TRPC5: variants seen among roughly 807,000 people sequenced by gnomAD.
TRPC5 encodes the protein short transient receptor potential channel 5.
In TRPC5, 9 loss-of-function variants were observed where a neutral mutation model predicts 56.5. That is an observed-to-expected ratio of 0.16 (90% CI 0.10 to 0.28). TRPC5 has a LOEUF of 0.28. TRPC5 is among the 10% of genes least tolerant of loss of function. The probability of loss-of-function intolerance (pLI) is 1.00; values close to 1 mark genes in which losing one functional copy is unlikely to be tolerated. For synonymous variants in TRPC5, 282 were observed against 278.5 expected (o/e 1.01, Z -0.13); for missense variants, 469 against 748.9 (o/e 0.63, Z 4.36).
At chrX:111,940,375 C>T (rs191366595) in intron 2 of TRPC5, among the ~76,000 whole-genome samples, 25 of 111,815 alleles carry the variant, frequency 2.2e-4, no homozygotes, top group Middle Eastern at 4.6e-3. Flanking sequence ...CATGAAGTCA[C>T]GCACCCTGAC....
At chrX:111,874,837 G>A (rs962257628) in intron 3 of TRPC5, among the ~76,000 whole-genome samples, 1 of 112,626 alleles carries the variant, frequency 8.9e-6, no homozygotes, top group Non-Finnish European at 1.9e-5. Context: ...TGTATTACCT[G>A]TGGTTGCTTT....
chrX:111,886,619 A>C (rs1924510487), intron 3 of TRPC5, among the ~76,000 whole-genome samples: 1 of 112,068 alleles, frequency 8.9e-6, no homozygotes, highest in South Asian at 3.8e-4. Flanking sequence ...CACTGAAGAC[A>C]AACCTGGTCT....
At chrX:111,793,887 C>T (rs1225418012) in intron 7 of TRPC5, among the ~76,000 whole-genome samples, 1 of 112,129 alleles carries the variant, frequency 8.9e-6, no homozygotes, top group East Asian at 2.8e-4. Context: ...GAATGAAGCA[C>T]TGATACATGC....
intron 7 of TRPC5, among the ~76,000 whole-genome samples, chrX:111,809,867 C>T (rs1465357010): frequency 9.2e-6 from 1 of 108,585 alleles, no homozygotes; most frequent in African/African-American, 3.4e-5. Context: ...GTCACCATGC[C>T]GTAGTCTTCA....
intron 7 of TRPC5, among the ~76,000 whole-genome samples, chrX:111,820,267 A>G (rs982002794): frequency 8.9e-6 from 1 of 111,739 alleles, no homozygotes; most frequent in African/African-American, 3.3e-5. Flanking sequence ...TATATGTGCC[A>G]TATTTTACCA....
chrX:112,028,265 A>G (rs1929476798), intron 1 of TRPC5, among the ~76,000 whole-genome samples: 1 of 110,489 alleles, frequency 9.1e-6, no homozygotes, highest in Admixed American at 9.5e-5. Flanking sequence ...AGTGCTTTTA[A>G]CTTTTTTTTT....
At chrX:112,003,485 TAGG>T (rs745847517) in intron 1 of TRPC5, among the ~76,000 whole-genome samples, 210 of 110,567 alleles carry the variant, frequency 1.9e-3, no homozygotes, top group African/African-American at 6.6e-3. Context: ...AAGGAAGTGA[TAGG>T]AGGTGAGGCT....
intron 3 of TRPC5, among the ~76,000 whole-genome samples, chrX:111,859,684 G>A (rs1192378519): frequency 7.2e-5 from 8 of 111,884 alleles, no homozygotes; most frequent in Non-Finnish European, 1.5e-4. Flanking sequence ...TCCTGTACAG[G>A]GACTATGTAC....
intron 2 of TRPC5, among the ~76,000 whole-genome samples, chrX:111,943,480 C>T (rs922405498): frequency 8.9e-6 from 1 of 112,028 alleles, no homozygotes; most frequent in Non-Finnish European, 1.9e-5. Flanking sequence ...AACATAAACA[C>T]TTATCAGTGT....
intron 1 of TRPC5, among the ~76,000 whole-genome samples, chrX:112,001,900 TCC>T (rs1928706669): frequency 2.7e-5 from 3 of 112,241 alleles, no homozygotes; most frequent in Non-Finnish European, 5.6e-5. Flanking sequence ...AAAAAATGAA[TCC>T]TTGATTTCTT....
chrX:111,850,066 G>T (rs952355783), intron 5 of TRPC5, among the ~76,000 whole-genome samples: 1 of 111,677 alleles, frequency 9.0e-6, no homozygotes, highest in Non-Finnish European at 1.9e-5. Context: ...AATTTGAGGG[G>T]GGTGTTATTA....
rs148202286 is a variant in TRPC5 at position 111,912,185 on chromosome X, T to C, written c.900+106A>G. ...CTAGCTGTGAGGCCTGCCCAACCAT[T>C]TGTTTGTTAGGGGGCTAAATGGTAG... On this transcript the variant is annotated intron_variant, in intron 3 of 10. Coordinates refer to ENST00000262839, the MANE Select transcript of TRPC5 (RefSeq NM_012471.3). 1.4e-3 allele frequency: 1,379 copies of C among 951,477 alleles called. 5 individuals are homozygous for C. The highest frequency in any genetic ancestry group is 9.4e-3 in the Middle Eastern group (23 of 2,444). 78.4% of individuals were successfully genotyped at this position (951,477 alleles called of 1,213,427 possible). A position where few individuals can be genotyped will look rare whatever the true frequency, so the allele number is the denominator to read the frequency against.
chrX:112,016,658 A>G (rs1297549382), intron 1 of TRPC5, among the ~76,000 whole-genome samples: 1 of 111,612 alleles, frequency 9.0e-6, no homozygotes, highest in Non-Finnish European at 1.9e-5. Context: ...GAACTTGACC[A>G]TGTATTTCCC....
intron 1 of TRPC5, among the ~76,000 whole-genome samples, chrX:111,998,158 G>T (rs1928595231): frequency 9.0e-6 from 1 of 111,658 alleles, no homozygotes; most frequent in African/African-American, 3.3e-5. Flanking sequence ...TGATCCTGAT[G>T]ACCTCAGTTT....
Position 112,064,490 on chromosome X carries a change from C to A in TRPC5, c.-22+17389G>T, listed in dbSNP as rs761031741. On this transcript the variant is annotated intron_variant, in intron 1 of 10. Coordinates refer to ENST00000262839, the MANE Select transcript of TRPC5 (RefSeq NM_012471.3). ...CTGCAATGTGGAGACCATAGAGCTG[C>A]TACCAATTGTGCCAGCTTCATACAC... Among the ~76,000 whole-genome samples the A allele has an allele frequency of 3.6e-5, 4 of 112,031 alleles. No homozygotes were observed. The South Asian group carries it at 1.5e-3, about 42-fold the overall frequency.
chrX:111,843,886 G>GTGTA (rs1319120760), intron 6 of TRPC5, among the ~76,000 whole-genome samples: 5 of 101,596 alleles, frequency 4.9e-5, no homozygotes, highest in African/African-American at 1.6e-4. Flanking sequence ...GTGTGTGTGT[G>GTGTA]TGTGTGTGTG....
intron 7 of TRPC5, among the ~76,000 whole-genome samples, chrX:111,809,026 G>T (rs1232044294): frequency 1.8e-5 from 2 of 109,736 alleles, no homozygotes; most frequent in Non-Finnish European, 3.8e-5. Flanking sequence ...TATCCAAGTT[G>T]CAAGAGAAAG....
chrX:112,054,501 C>T (rs1417428488), intron 1 of TRPC5, among the ~76,000 whole-genome samples: 1 of 110,607 alleles, frequency 9.0e-6, no homozygotes, highest in African/African-American at 3.3e-5. Context: ...AAACATACTA[C>T]ATAACTATAG....
At chrX:111,911,336 T>C (rs1052851778) in intron 3 of TRPC5, among the ~76,000 whole-genome samples, 11 of 112,438 alleles carry the variant, frequency 9.8e-5, no homozygotes, top group Non-Finnish European at 3.7e-5. Flanking sequence ...TTTTCTTATT[T>C]CCCACAATCC....
Sources: gnomAD v4.1 joint callset for allele counts (sites outside exome capture counted in the v4.1 genomes callset) on GRCh38, gnomAD v4.1.1 for gene constraint, MANE v1.5 for transcripts, NCBI Gene and HGNC (gene_info 2026-07-23, HGNC 2026-07-21) for gene names.